Variants in PTK2 observed in about 807,000 individuals in gnomAD.
The protein encoded by PTK2 is protein tyrosine kinase 2.
In PTK2, 45 loss-of-function variants were observed where a neutral mutation model predicts 150.1. That is an observed-to-expected ratio of 0.30 (90% CI 0.24 to 0.38). The LOEUF is 0.38. PTK2 is among the 10% of genes least tolerant of loss of function. The pLI is 1.00. For missense variants in PTK2, 919 were observed against 1,307.3 expected, an observed-to-expected ratio of 0.70 and a Z score of 4.58; for synonymous variants, 432 against 449.2, an observed-to-expected ratio of 0.96 and a Z score of 0.48.
intron 20 of PTK2, 54 bp downstream of exon 23, chr8:140,743,176 G>T: frequency 8.1e-7 from 1 of 1,232,832 alleles, no homozygotes; most frequent in Non-Finnish European, 1.2e-6. Flanking sequence ...ACTGTTTTTA[G>T]AAATACGTTA....
intron 1 of PTK2, among the ~76,000 whole-genome samples, chr8:140,971,463 GGT>G (rs1389556621): frequency 1.3e-5 from 2 of 152,148 alleles, no homozygotes; most frequent in Admixed American, 6.5e-5. Context: ...AATGGACAGT[GGT>G]AGGTTTTATT....
intron 1 of PTK2, among the ~76,000 whole-genome samples, chr8:140,988,476 T>C (rs565915344): frequency 2.0e-5 from 3 of 152,256 alleles, no homozygotes; most frequent in East Asian, 3.9e-4. Flanking sequence ...ATGCCTGTAA[T>C]CCCAGCACTT....
intron 3 of PTK2, among the ~76,000 whole-genome samples, chr8:140,889,656 G>C (rs2100153580): frequency 6.6e-6 from 1 of 150,738 alleles, no homozygotes; most frequent in African/African-American, 2.4e-5. Context: ...GAAAAGAAAA[G>C]AAAAAAGACG....
chr8:140,975,657 T>G (rs1183039055), intron 1 of PTK2, among the ~76,000 whole-genome samples: 1 of 151,910 alleles, frequency 6.6e-6, no homozygotes, highest in Non-Finnish European at 1.5e-5. Flanking sequence ...ATAGGCTGTA[T>G]GTGTATATGC....
At position 140,681,573 on chromosome 8, in the gene PTK2, C is replaced by T. The variant is rs142900708; in HGVS notation, c.2562+5059G>A. On this transcript the variant is annotated intron_variant, in intron 27 of 31. Transcript: ENST00000522684. ...GGGGGGGATCACGAAGTCAGGAGATCGAGACCATCCCGGCTAACACAGTGA... is the reference window on the plus strand; with the variant it reads ...GGGGGGGATCACGAAGTCAGGAGATTGAGACCATCCCGGCTAACACAGTGA... Among the ~76,000 whole-genome samples the T allele has an allele frequency of 3.7e-3, 565 of 152,116 alleles. 2 individuals are homozygous for T. Among genetic ancestry groups the T allele is most frequent in the East Asian group, 4.7e-3 (24 of 5,154 alleles).
intron 27 of PTK2, among the ~76,000 whole-genome samples, chr8:140,679,010 T>TTTTTTG (rs1564184654): frequency 5.9e-4 from 11 of 18,602 alleles, no homozygotes; most frequent in African/African-American, 1.3e-3. Context: ...CATGTTTTTT[T>TTTTTTG]TTTTTTTTTT....
chr8:140,692,249 C>T (rs1172817680), intron 26 of PTK2, among the ~76,000 whole-genome samples: 1 of 152,178 alleles, frequency 6.6e-6, no homozygotes, highest in Non-Finnish European at 1.5e-5. Context: ...AGAGCATACA[C>T]GGACCTCCTG....
At chr8:140,940,304 A>C (rs1388035899) in intron 1 of PTK2, among the ~76,000 whole-genome samples, 1 of 152,170 alleles carries the variant, frequency 6.6e-6, no homozygotes, top group Non-Finnish European at 1.5e-5. Flanking sequence ...AGCCTGGCCA[A>C]AATAGTGAAA....
At chr8:140,910,770 G>A (rs1318211087) in intron 2 of PTK2, among the ~76,000 whole-genome samples, 1 of 152,078 alleles carries the variant, frequency 6.6e-6, no homozygotes, top group African/African-American at 2.4e-5. Flanking sequence ...GGCCTGAATT[G>A]CCCCATTCTC....
intron 2 of PTK2, among the ~76,000 whole-genome samples, chr8:140,918,485 T>G (rs766533770): frequency 1.4e-4 from 21 of 152,208 alleles, no homozygotes; most frequent in Non-Finnish European, 2.2e-4. Flanking sequence ...AAACTGTCTT[T>G]AAACCTAGAA....
rs1194158409 is a variant in PTK2, at chr8:140,730,952, A to ACCC, written c.2030+4298_2030+4299insGGG. Among the ~76,000 whole-genome samples the ACCC allele has an allele frequency of 7.4e-5, 5 of 67,250 alleles. 1 individual carries two copies. In the South Asian group the frequency reaches 2.4e-3, roughly 33 times the overall value. 44.1% of individuals were successfully genotyped at this position (67,250 alleles called of 152,430 possible). On this transcript the variant is annotated intron_variant, in intron 22 of 31. Coordinates refer to ENST00000522684, the Ensembl canonical transcript of PTK2. ...ACTGAAGTAACCAGGAATTAAATTAAACCCCCCCCCCCCTTTTTTTTTTGA... is the reference window on the plus strand; with the variant it reads ...ACTGAAGTAACCAGGAATTAAATTAACCCACCCCCCCCCCCCTTTTTTTTTTGA...
chr8:140,704,548 C>A (rs2100032626), intron 24 of PTK2, among the ~76,000 whole-genome samples: 1 of 152,196 alleles, frequency 6.6e-6, no homozygotes, highest in Non-Finnish European at 1.5e-5. Flanking sequence ...CAGCTTGTCT[C>A]ATTAAGCAGG....
chr8:140,811,862 G>C (rs1376496846), intron 10 of PTK2, among the ~76,000 whole-genome samples: 1 of 152,138 alleles, frequency 6.6e-6, no homozygotes, highest in Non-Finnish European at 1.5e-5. Flanking sequence ...GAAAAGAATA[G>C]AGAAAAAAGA....
Position 140,964,481 on chromosome 8 carries a change from G to A in PTK2, c.-122+36644C>T, listed in dbSNP as rs144389281. 5.9e-3 allele frequency among the ~76,000 whole-genome samples: 881 copies of A among 150,562 alleles called. 8 individuals are homozygous for A. Among genetic ancestry groups the A allele is most frequent in the African/African-American group, 0.02 (838 of 40,880 alleles). ...CAGTCTCAACCTCCCAGGCTCATGCGATTCTCCTACATCGGTCTCCCAAGT... is the reference window on the plus strand; with the variant it reads ...CAGTCTCAACCTCCCAGGCTCATGCAATTCTCCTACATCGGTCTCCCAAGT... On this transcript the variant is annotated intron_variant, in intron 1 of 31. Transcript: ENST00000522684.
intron 4 of PTK2, among the ~76,000 whole-genome samples, chr8:140,867,814 T>C (rs1290640894): frequency 6.6e-6 from 1 of 152,198 alleles, no homozygotes; most frequent in Non-Finnish European, 1.5e-5. Context: ...CACAAAACTC[T>C]ACTGAAACTT....
At chr8:140,741,385 G>A (rs2100055558) in intron 20 of PTK2, among the ~76,000 whole-genome samples, 1 of 151,726 alleles carries the variant, frequency 6.6e-6, no homozygotes, top group Non-Finnish European at 1.5e-5. Context: ...AACTTGGGAG[G>A]TGGAGCTTGC....
intron 1 of PTK2, among the ~76,000 whole-genome samples, chr8:140,937,857 G>T (rs2100174234): frequency 6.6e-6 from 1 of 152,176 alleles, no homozygotes; most frequent in Non-Finnish European, 1.5e-5. Flanking sequence ...GGAGGCTGAG[G>T]CAGGAGGATC....
chr8:140,675,563 C>T (rs2100013142), intron 27 of PTK2, 64 bp from the exon 31 acceptor site: 3 of 1,227,598 alleles, frequency 2.4e-6, no homozygotes, highest in African/African-American at 3.0e-5. Flanking sequence ...ACCTCTCTCA[C>T]CCACCCTGTC....
At chr8:140,949,482 G>GC (rs1188967089) in intron 1 of PTK2, among the ~76,000 whole-genome samples, 16 of 152,292 alleles carry the variant, frequency 1.1e-4, no homozygotes, top group South Asian at 2.1e-4. Flanking sequence ...GGTCCGGGAA[G>GC]CCCCCCCGCC....
Sources: allele counts gnomAD v4.1 joint callset (sites outside exome capture counted in the v4.1 genomes callset), GRCh38; gene constraint gnomAD v4.1.1; transcripts MANE v1.5; gene names NCBI Gene and HGNC (gene_info 2026-07-23, HGNC 2026-07-21).